CAMK2D: variants seen among roughly 807,000 people sequenced by gnomAD.
The protein encoded by CAMK2D is calcium/calmodulin-dependent protein kinase type II subunit delta.
Under a neutral mutation model 84.0 loss-of-function variants are expected in CAMK2D, and 37 were observed. The observed-to-expected ratio is 0.44, with a 90% CI of 0.34 to 0.58. The LOEUF is 0.58. CAMK2D is among the 20% of genes least tolerant of loss of function. CAMK2D has a pLI of 0.02. For missense variants in CAMK2D, 448 were observed against 652.5 expected, an observed-to-expected ratio of 0.69 and a Z score of 3.41; for synonymous variants, 202 against 212.5, an observed-to-expected ratio of 0.95 and a Z score of 0.43.
At chr4:113,459,004 G>A (rs1402213660) in intron 18 of CAMK2D, among the ~76,000 whole-genome samples, 2 of 152,178 alleles carry the variant, frequency 1.3e-5, no homozygotes, top group Admixed American at 6.6e-5. Context: ...ATTTCTGCAG[G>A]ATGAACTTCT....
At chr4:113,572,068 T>A (rs2098756391) in intron 4 of CAMK2D, among the ~76,000 whole-genome samples, 1 of 140,586 alleles carries the variant, frequency 7.1e-6, no homozygotes, top group Non-Finnish European at 1.5e-5. Flanking sequence ...TGAAAACAGT[T>A]TTCATAAAAA....
intron 2 of CAMK2D, among the ~76,000 whole-genome samples, chr4:113,665,247 C>T (rs971496915): frequency 2.0e-5 from 3 of 152,200 alleles, no homozygotes; most frequent in African/African-American, 7.2e-5. Flanking sequence ...CATGTTTTGA[C>T]ATCCCAAACA....
At chr4:113,527,211 T>C (rs774553810) in intron 8 of CAMK2D, among the ~76,000 whole-genome samples, 4 of 152,060 alleles carry the variant, frequency 2.6e-5, no homozygotes, top group Non-Finnish European at 5.9e-5. Context: ...AGCAAAAATA[T>C]TGCAACTTGC....
intron 15 of CAMK2D, among the ~76,000 whole-genome samples, chr4:113,500,940 C>T (rs991144851): frequency 6.6e-6 from 1 of 151,850 alleles, no homozygotes; most frequent in Non-Finnish European, 1.5e-5. Context: ...TAAAGAGTAC[C>T]TTCTTTGCGT....
intron 4 of CAMK2D, among the ~76,000 whole-genome samples, chr4:113,553,854 G>C (rs1392922497): frequency 2.0e-5 from 3 of 152,060 alleles, no homozygotes; most frequent in African/African-American, 4.8e-5. Context: ...AAAATAGTTA[G>C]ACAAAAAACA....
intron 4 of CAMK2D, among the ~76,000 whole-genome samples, chr4:113,565,834 T>C (rs2098721196): frequency 6.6e-6 from 1 of 152,110 alleles, no homozygotes; most frequent in Admixed American, 6.5e-5. Context: ...TAAATTCACT[T>C]TCCTGGCCTT....
chr4:113,520,249 T>C (rs1363605686), intron 8 of CAMK2D, among the ~76,000 whole-genome samples: 1 of 151,828 alleles, frequency 6.6e-6, no homozygotes, highest in African/African-American at 2.4e-5. Context: ...CTACTAAAAA[T>C]ACAAAAAAAT....
intron 4 of CAMK2D, among the ~76,000 whole-genome samples, chr4:113,560,159 C>T (rs554284638): frequency 2.0e-5 from 3 of 152,080 alleles, no homozygotes; most frequent in African/African-American, 7.2e-5. Context: ...TTTAAATGGT[C>T]CTTCTTGTTT....
intron 2 of CAMK2D, among the ~76,000 whole-genome samples, chr4:113,668,884 T>C (rs1039550614): frequency 2.0e-5 from 3 of 152,172 alleles, no homozygotes; most frequent in Non-Finnish European, 2.9e-5. Flanking sequence ...ATTCATCCAT[T>C]TTGCATATCT....
intron 8 of CAMK2D, among the ~76,000 whole-genome samples, chr4:113,524,279 C>T (rs113970918): frequency 1.3e-5 from 2 of 152,196 alleles, no homozygotes; most frequent in African/African-American, 4.8e-5. Context: ...ACTCTATATA[C>T]ATGAAACACT....
intron 2 of CAMK2D, chr4:113,677,516 T>A: frequency 1.1e-6 from 1 of 935,854 alleles, no homozygotes. Flanking sequence ...ACTTCCTTCT[T>A]GAAGGAACTT....
At chr4:113,469,111 G>C (rs1318753385) in intron 16 of CAMK2D, among the ~76,000 whole-genome samples, 1 of 152,154 alleles carries the variant, frequency 6.6e-6, no homozygotes, top group Non-Finnish European at 1.5e-5. Context: ...CTTGTTCTAA[G>C]AGGCCTGGAA....
intron 16 of CAMK2D, among the ~76,000 whole-genome samples, chr4:113,490,533 T>G (rs1487318081): frequency 7.3e-6 from 1 of 136,166 alleles, no homozygotes; most frequent in Non-Finnish European, 1.6e-5. Flanking sequence ...CCACGCTGTT[T>G]TGGTTACTGT....
intron 2 of CAMK2D, among the ~76,000 whole-genome samples, chr4:113,685,242 T>C (rs1422597876): frequency 1.7e-5 from 2 of 119,522 alleles, no homozygotes; most frequent in African/African-American, 2.6e-5. Context: ...CAGACTTCTT[T>C]TTTTTTTTTT....
chr4:113,647,828 T>A (rs2099157760), intron 3 of CAMK2D, among the ~76,000 whole-genome samples: 1 of 152,226 alleles, frequency 6.6e-6, no homozygotes, highest in Admixed American at 6.5e-5. Context: ...TAATTTTGAA[T>A]GGCAGATTTA....
intron 2 of CAMK2D, among the ~76,000 whole-genome samples, chr4:113,690,775 A>G (rs1490231833): frequency 6.6e-6 from 1 of 152,188 alleles, no homozygotes; most frequent in Non-Finnish European, 1.5e-5. Flanking sequence ...TGATTTCATT[A>G]TGCACTGTGC....
chr4:113,723,899 T>C (rs1397029559), intron 2 of CAMK2D, among the ~76,000 whole-genome samples: 1 of 152,180 alleles, frequency 6.6e-6, no homozygotes, highest in African/African-American at 2.4e-5. Flanking sequence ...GCAATTAATA[T>C]TTACTTTTTC....
At chr4:113,464,341 A>G (rs2154110762) in intron 17 of CAMK2D, among the ~76,000 whole-genome samples, 1 of 152,306 alleles carries the variant, frequency 6.6e-6, no homozygotes, top group East Asian at 1.9e-4. Flanking sequence ...CACGCAATAT[A>G]AAAAATTAAA....
chr4:113,547,456 TTA>T (rs2098587747), intron 6 of CAMK2D, among the ~76,000 whole-genome samples, 186 bp downstream of exon 6: 1 of 152,210 alleles, frequency 6.6e-6, no homozygotes, highest in Non-Finnish European at 1.5e-5. Flanking sequence ...AAATCAAGAT[TTA>T]TATGTCTCAA....
Sources: gnomAD v4.1 joint callset for allele counts (sites outside exome capture counted in the v4.1 genomes callset) on GRCh38, gnomAD v4.1.1 for gene constraint, MANE v1.5 for transcripts, NCBI Gene and HGNC (gene_info 2026-07-23, HGNC 2026-07-21) for gene names.